SWAP70: variants seen among roughly 807,000 people sequenced by gnomAD.
SWAP70 encodes switching B cell complex subunit SWAP70.
In SWAP70, 34 loss-of-function variants were observed where a neutral mutation model predicts 80.2. That is an observed-to-expected ratio of 0.42 (90% CI 0.32 to 0.56). The LOEUF is 0.56. Ranked by LOEUF, SWAP70 falls within the 20% of genes least tolerant of loss-of-function variation. SWAP70 has a pLI of 0.09. For missense variants in SWAP70, 578 were observed against 690.7 expected (o/e 0.84, Z 1.83); for synonymous variants, 239 against 238.5 (o/e 1.00, Z -0.02).
At position 9,675,362 on chromosome 11, in the gene SWAP70, A is replaced by G. The variant is rs1261141677; in HGVS notation, c.99+11084A>G. Among the ~76,000 whole-genome samples the G allele has an allele frequency of 2.7e-3, 87 of 32,070 alleles. 4 individuals carry two copies. Among genetic ancestry groups the G allele is most frequent in the African/African-American group, 9.8e-3 (58 of 5,942 alleles). 21.0% of individuals were successfully genotyped at this position (32,070 alleles called of 152,430 possible). A position where few individuals can be genotyped will look rare whatever the true frequency, so the allele number is the denominator to read the frequency against. On this transcript the variant is annotated intron_variant, in intron 1 of 11. Coordinates refer to ENST00000318950, the MANE Select transcript of SWAP70 (RefSeq NM_015055.4). ...GAGAGGGAGCGAGAGAGAGAGAGAG[A>G]GAGAGAGAGAGAGAGAGAGAGAGAG...
intron 1 of SWAP70, among the ~76,000 whole-genome samples, chr11:9,692,238 ATT>A (rs1850706166): frequency 7.3e-6 from 1 of 136,136 alleles, no homozygotes; most frequent in South Asian, 2.4e-4. Flanking sequence ...ATATATATAT[ATT>A]TAATTTTAAA....
At chr11:9,729,533 C>CT in intron 6 of SWAP70, 82 bp downstream of exon 6, 2 of 1,069,678 alleles carry the variant, frequency 1.9e-6, no homozygotes, top group Non-Finnish European at 2.8e-6. Context: ...GAGTCTTGCT[C>CT]TGTTGCCCGG....
intron 1 of SWAP70, 136 bp from the exon 2 acceptor site, chr11:9,694,010 C>A: frequency 9.4e-7 from 1 of 1,062,604 alleles, no homozygotes; most frequent in Non-Finnish European, 1.3e-6. Context: ...TGCAGCTGAG[C>A]AGTCCTCACC....
chr11:9,691,799 G>C (rs1259337037), intron 1 of SWAP70, among the ~76,000 whole-genome samples: 1 of 152,192 alleles, frequency 6.6e-6, no homozygotes, highest in Non-Finnish European at 1.5e-5. Flanking sequence ...GCCCCTGCCA[G>C]GGCTTTAGTT....
chr11:9,708,899 G>A (rs910683159), intron 2 of SWAP70, among the ~76,000 whole-genome samples: 17 of 152,212 alleles, frequency 1.1e-4, no homozygotes, highest in African/African-American at 3.9e-4. Flanking sequence ...GGTATGGTGG[G>A]AAGAGCTAGC....
rs537414663 is a variant in SWAP70 at position 9,747,020 on chromosome 11, G to A, written c.1356-838G>A. 2.6e-5 allele frequency among the ~76,000 whole-genome samples: 4 copies of A among 152,272 alleles called. No homozygotes were observed. The South Asian group carries it at 8.3e-4, about 32-fold the overall frequency. ...TTGTTACCATAATATTGTTGCTCAA[G>A]CCACTAGATATGTATCCTGTCCTTG... On this transcript the variant is annotated intron_variant, in intron 9 of 11. Transcript: ENST00000318950.
At chr11:9,689,525 T>G (rs1850670559) in intron 1 of SWAP70, among the ~76,000 whole-genome samples, 1 of 152,248 alleles carries the variant, frequency 6.6e-6, no homozygotes, top group Admixed American at 6.5e-5. Context: ...ATGTGGGTGC[T>G]GAAAGAATGG....
At chr11:9,678,663 C>A (rs375028074) in intron 1 of SWAP70, among the ~76,000 whole-genome samples, 46 of 149,876 alleles carry the variant, frequency 3.1e-4, no homozygotes, top group South Asian at 1.3e-3. Flanking sequence ...GGGGTCTCAT[C>A]ACAGTCCCAG....
intron 9 of SWAP70, among the ~76,000 whole-genome samples, chr11:9,746,045 C>T (rs529282497): frequency 1.3e-5 from 2 of 152,194 alleles, no homozygotes; most frequent in East Asian, 1.9e-4. Flanking sequence ...GCAGTGCCAT[C>T]GCTCCTGCTG....
chr11:9,737,122 T>C (rs1418022467), intron 7 of SWAP70, among the ~76,000 whole-genome samples: 3 of 152,258 alleles, frequency 2.0e-5, no homozygotes, highest in Non-Finnish European at 4.4e-5. Context: ...GGCCTCCTCT[T>C]AATTCTCAGC....
At chr11:9,744,635 A>G (rs1252337441) in intron 9 of SWAP70, among the ~76,000 whole-genome samples, 1 of 152,166 alleles carries the variant, frequency 6.6e-6, no homozygotes, top group East Asian at 1.9e-4. Context: ...TTGGCCGGAC[A>G]TGGTGGCTCA....
At chr11:9,703,283 A>G (rs1850856286) in intron 2 of SWAP70, 2 of 444,230 alleles carry the variant, frequency 4.5e-6, no homozygotes, top group Admixed American at 2.4e-5. Context: ...ATGGCTGAAT[A>G]ACATTCCGTT....
At chr11:9,694,410 G>T (rs973935079) in intron 2 of SWAP70, 124 bp downstream of exon 2, 6 of 1,109,428 alleles carry the variant, frequency 5.4e-6, no homozygotes, top group Non-Finnish European at 7.4e-6. Flanking sequence ...AGATAAACCA[G>T]AAAGGAAGAA....
intron 3 of SWAP70, among the ~76,000 whole-genome samples, chr11:9,715,193 G>C (rs1315149694): frequency 6.6e-6 from 1 of 151,884 alleles, no homozygotes; most frequent in Non-Finnish European, 1.5e-5. Context: ...TGCCCAGCCT[G>C]GTATCAAACT....
intron 2 of SWAP70, among the ~76,000 whole-genome samples, chr11:9,707,914 G>C (rs1195883803): frequency 6.6e-6 from 1 of 152,050 alleles, no homozygotes; most frequent in East Asian, 1.9e-4. Context: ...AGTTTTGGGG[G>C]AACAGGTGGT....
At chr11:9,725,556 TATATA>T (rs1851206111) in intron 4 of SWAP70, among the ~76,000 whole-genome samples, 2 of 11,408 alleles carry the variant, frequency 1.8e-4, no homozygotes, top group Non-Finnish European at 4.5e-4. Flanking sequence ...TATATATATA[TATATA>T]TATATATATT....
chr11:9,741,938 TAAAAAAA>T (rs570386980), intron 9 of SWAP70: 4 of 81,950 alleles, frequency 4.9e-5, no homozygotes, highest in African/African-American at 1.7e-4. Context: ...ACCTCATCTT[TAAAAAAA>T]AAAAAAAAAA....
chr11:9,675,071 A>G (rs955023548), intron 1 of SWAP70, among the ~76,000 whole-genome samples: 1 of 152,130 alleles, frequency 6.6e-6, no homozygotes, highest in Non-Finnish European at 1.5e-5. Flanking sequence ...ATTGAGGCAA[A>G]TGGATCACTT....
chr11:9,734,872 A>G (rs922341425), intron 7 of SWAP70, among the ~76,000 whole-genome samples: 3 of 152,198 alleles, frequency 2.0e-5, no homozygotes, highest in Admixed American at 6.5e-5. Flanking sequence ...CAATCCACCC[A>G]CTTCAGCCTC....
Sources: allele counts gnomAD v4.1 joint callset (sites outside exome capture counted in the v4.1 genomes callset), GRCh38; gene constraint gnomAD v4.1.1; transcripts MANE v1.5; gene names NCBI Gene and HGNC (gene_info 2026-07-23, HGNC 2026-07-21).